Variants in IGF2BP3 observed in about 807,000 individuals in gnomAD.
IGF2BP3 encodes insulin-like growth factor 2 mRNA-binding protein 3.
In IGF2BP3, 9 loss-of-function variants were observed where a neutral mutation model predicts 73.8. The observed-to-expected ratio is 0.12, with a 90% CI of 0.07 to 0.21. The LOEUF is 0.21. Ranked by LOEUF, IGF2BP3 falls within the 10% of genes least tolerant of loss-of-function variation. IGF2BP3 has a pLI of 1.00. For missense variants in IGF2BP3, 542 were observed against 714.0 expected, an observed-to-expected ratio of 0.76 and a Z score of 2.75; for synonymous variants, 258 against 256.7, an observed-to-expected ratio of 1.01 and a Z score of -0.05.
At chr7:23,353,798 CGTTAA>C (rs1237924383) in intron 5 of IGF2BP3, among the ~76,000 whole-genome samples, 3 of 152,130 alleles carry the variant, frequency 2.0e-5, no homozygotes, top group Non-Finnish European at 4.4e-5. Flanking sequence ...GATGACAGAA[CGTTAA>C]GTTAACGCTG....
chr7:23,326,434 T>C (rs1450368980), intron 10 of IGF2BP3, among the ~76,000 whole-genome samples: 1 of 151,702 alleles, frequency 6.6e-6, no homozygotes, highest in Non-Finnish European at 1.5e-5. Flanking sequence ...CTGGAGAGGA[T>C]GTGGAGAAAT....
chr7:23,451,694 T>A (rs7788661), intron 2 of IGF2BP3, among the ~76,000 whole-genome samples: 58,233 of 151,886 alleles, frequency 0.38, 12,012 homozygotes, highest in African/African-American at 0.52. Flanking sequence ...CACGCCTGTA[T>A]TCACAACACC....
chr7:23,317,755 C>CATA, intron 11 of IGF2BP3, 42 bp from the exon 12 acceptor site: 3 of 1,515,438 alleles, frequency 2.0e-6, no homozygotes, highest in South Asian at 1.1e-5. Context: ...TTTCAGGTAT[C>CATA]ACTGATAGGC....
chr7:23,412,317 C>A (rs1368523892), intron 3 of IGF2BP3, among the ~76,000 whole-genome samples: 2 of 152,130 alleles, frequency 1.3e-5, no homozygotes, highest in Non-Finnish European at 2.9e-5. Context: ...TACTTGGTTT[C>A]CCTTCTTTGA....
chr7:23,411,737 C>T (rs1787030063), intron 3 of IGF2BP3, among the ~76,000 whole-genome samples: 2 of 152,152 alleles, frequency 1.3e-5, no homozygotes, highest in South Asian at 4.1e-4. Context: ...CAACATCCAG[C>T]AGGGATGTCA....
chr7:23,447,177 G>A (rs1363463619), intron 2 of IGF2BP3, among the ~76,000 whole-genome samples: 1 of 151,846 alleles, frequency 6.6e-6, no homozygotes, highest in Non-Finnish European at 1.5e-5. Flanking sequence ...CTCCAGCCTG[G>A]TCGACAGAGT....
intron 2 of IGF2BP3, among the ~76,000 whole-genome samples, chr7:23,460,629 T>G (rs4452700): frequency 0.99 from 151,322 of 152,292 alleles, 75,180 homozygotes; most frequent in Middle Eastern, 1. Flanking sequence ...ATCTCTAACA[T>G]ATACATAAGT....
At chr7:23,392,481 T>G (rs1178962333) in intron 3 of IGF2BP3, among the ~76,000 whole-genome samples, 4 of 150,828 alleles carry the variant, frequency 2.7e-5, no homozygotes, top group Admixed American at 2.0e-4. Flanking sequence ...TGTATATATA[T>G]ATATACACAC....
At chr7:23,409,946 A>G (rs1181962372) in intron 3 of IGF2BP3, among the ~76,000 whole-genome samples, 1 of 152,182 alleles carries the variant, frequency 6.6e-6, no homozygotes, top group East Asian at 1.9e-4. Context: ...AGATGGGTTG[A>G]TCACCTGAGG....
At chr7:23,428,713 TTTC>T (rs1161361390) in intron 2 of IGF2BP3, among the ~76,000 whole-genome samples, 3 of 148,286 alleles carry the variant, frequency 2.0e-5, no homozygotes, top group Non-Finnish European at 4.4e-5. Context: ...TTTTTCTTTT[TTTC>T]TTTTTTTTAG....
At position 23,312,131 on chromosome 7, in the gene IGF2BP3, T is replaced by G. The variant is rs1023438807; in HGVS notation, c.*231A>C. 46 of 449,810 alleles carry G rather than the reference T, an allele frequency of 1.0e-4. No individual in the cohort carries two copies. Among genetic ancestry groups the G allele is most frequent in the Non-Finnish European group, 1.7e-4 (42 of 253,876 alleles). The allele number at this position is 449,810 out of a possible 1,614,324, so 27.9% of individuals were successfully genotyped here. A position where few individuals can be genotyped will look rare whatever the true frequency, so the allele number is the denominator to read the frequency against. On this transcript the variant is annotated 3_prime_UTR_variant, in exon 15 of 15. Transcript: ENST00000258729. ...TCTTTCCCTCCCTCCCCCACCCTTT[T>G]TTTGTTTGTTTGTTTGTTTGTTTTA...
rs183238081 is a variant in IGF2BP3, at chr7:23,465,530, C to A, written c.236+2952G>T. ...TACTACTTCCTGAAAGGGTCCCCCC[C>A]CAAGCTCCACTGGAAGTCAAAGCCA... On this transcript the variant is annotated intron_variant, in intron 2 of 14. Coordinates refer to ENST00000258729, the MANE Select transcript of IGF2BP3 (RefSeq NM_006547.3). 3.6e-3 allele frequency among the ~76,000 whole-genome samples: 551 copies of A among 151,890 alleles called. 1 individual carries two copies. The highest frequency in any genetic ancestry group is 0.012 in the African/African-American group (506 of 41,356).
intron 2 of IGF2BP3, among the ~76,000 whole-genome samples, chr7:23,454,044 TCTCAAACTC>T (rs779755940): frequency 1.1e-4 from 16 of 152,104 alleles, no homozygotes; most frequent in Non-Finnish European, 2.1e-4. Context: ...CCCAGCCTGG[TCTCAAACTC>T]CTGAGCTCAA....
chr7:23,441,060 T>G (rs1476089799), intron 2 of IGF2BP3, among the ~76,000 whole-genome samples: 1 of 152,086 alleles, frequency 6.6e-6, no homozygotes, highest in Non-Finnish European at 1.5e-5. Flanking sequence ...CAGAAAAGAA[T>G]AGCAAATAAT....
chr7:23,391,422 C>T (rs2128521303), intron 3 of IGF2BP3, among the ~76,000 whole-genome samples: 1 of 152,266 alleles, frequency 6.6e-6, no homozygotes, highest in South Asian at 2.1e-4. Context: ...TTTAAAATCT[C>T]AGTTGTAAGG....
chr7:23,463,994 T>C (rs1196360198), intron 2 of IGF2BP3, among the ~76,000 whole-genome samples: 2 of 152,226 alleles, frequency 1.3e-5, no homozygotes, highest in East Asian at 1.9e-4. Flanking sequence ...TGTGAGAAAC[T>C]TTCCCGAATC....
chr7:23,368,016 A>G (rs932185591), intron 3 of IGF2BP3, among the ~76,000 whole-genome samples: 3 of 152,112 alleles, frequency 2.0e-5, no homozygotes, highest in Non-Finnish European at 4.4e-5. Flanking sequence ...AACAAAAAAA[A>G]ACAAAAAAAC....
chr7:23,418,823 T>C lies in IGF2BP3; in HGVS notation c.238A>G (p.Ile80Val). 6.4e-7 allele frequency: 1 copy of C among 1,572,288 alleles called. No individual in the cohort carries two copies. The highest frequency in any genetic ancestry group is 8.7e-7 in the Non-Finnish European group (1 of 1,152,164). Residue 80 changes from isoleucine to valine, a missense_variant and splice_region_variant, in exon 3 of 15, where the codon ATT (isoleucine) becomes GTT (valine). By Grantham distance (29) the Ile-to-Val change is conservative. Transcript: ENST00000258729. Reference sequence around the variant, plus strand: ...ATATTTCGTATCTGAAGTTTCCGAATCCTGCAGAAGAATTAAAATGTTTTT... The same window carrying C: ...ATATTTCGTATCTGAAGTTTCCGAACCCTGCAGAAGAATTAAAATGTTTTT... ...VEHSVPKRQR[I>V]RKLQIRNIPP... is the part of the protein sequence containing the mutation.
At chr7:23,366,275 T>G (rs929654166) in intron 3 of IGF2BP3, among the ~76,000 whole-genome samples, 10 of 151,950 alleles carry the variant, frequency 6.6e-5, no homozygotes, top group Admixed American at 2.0e-4. Flanking sequence ...GTAGCTGGGA[T>G]TACAGGCACA....
Sources: gnomAD v4.1 joint callset for allele counts (sites outside exome capture counted in the v4.1 genomes callset) on GRCh38, gnomAD v4.1.1 for gene constraint, MANE v1.5 for transcripts, NCBI Gene and HGNC (gene_info 2026-07-23, HGNC 2026-07-21) for gene names.